The following TYR variants were observed in gnomAD, a reference collection of about 807,000 sequenced individuals.
TYR encodes the protein tyrosinase, also known as LB24-AB.
A neutral mutation model predicts 51.5 loss-of-function variants in TYR; 58 were observed. The observed-to-expected ratio is 1.13, with a 90% CI of 0.91 to 1.40. The LOEUF is 1.40. TYR is among the 40% of genes most tolerant of loss of function. The probability of loss-of-function intolerance (pLI) is 0.00; values close to 1 mark genes in which losing one functional copy is unlikely to be tolerated. For missense variants in TYR, 732 were observed against 647.4 expected (o/e 1.13, Z -1.42); for synonymous variants, 263 against 235.2 (o/e 1.12, Z -1.08).
At chr11:89,267,071 G>C (rs1300104615) in intron 3 of TYR, among the ~76,000 whole-genome samples, 1 of 151,928 alleles carries the variant, frequency 6.6e-6, no homozygotes, top group African/African-American at 2.4e-5. Flanking sequence ...TCAGAATCAA[G>C]TGAAATCTAC....
rs749924379 is a variant in TYR at position 89,284,926 on chromosome 11, C to T, written c.1338C>T (p.Gly446=). The change falls in exon 4 of 5, where the codon GGC becomes GGT. Residue 446 remains glycine (G), a synonymous_variant. Coordinates refer to ENST00000263321, the MANE Select transcript of TYR (RefSeq NM_000372.5). The part of the protein sequence containing the change: ...GDFFISSKDL[G]YDYSYLQDSD... The stretch of plus-strand genomic sequence containing the variant: ...TCTTTATTTCATCCAAAGATCTGGG[C>T]TATGACTATAGCTATCTACAAGATT... The T allele has an allele frequency of 4.3e-6, 7 of 1,611,576 alleles. No individual in the cohort carries two copies. In the South Asian group the frequency reaches 7.7e-5, roughly 18 times the overall value.
intron 4 of TYR, among the ~76,000 whole-genome samples, chr11:89,289,868 T>C (rs1236719179): frequency 1.3e-5 from 2 of 152,016 alleles, no homozygotes; most frequent in Non-Finnish European, 2.9e-5. Context: ...AAAACTCAAA[T>C]TGTAAGCTGA....
At chr11:89,206,760 A>G (rs1470488647) in intron 2 of TYR, among the ~76,000 whole-genome samples, 1 of 152,168 alleles carries the variant, frequency 6.6e-6, no homozygotes, top group Non-Finnish European at 1.5e-5. Context: ...AAATTTAAAA[A>G]GATTGGAATT....
At chr11:89,238,535 C>T (rs1430456225) in intron 3 of TYR, among the ~76,000 whole-genome samples, 1 of 152,012 alleles carries the variant, frequency 6.6e-6, no homozygotes. Flanking sequence ...GTCTGCAAAC[C>T]GGGACCATTT....
At chr11:89,222,711 C>T (rs1456023182) in intron 2 of TYR, among the ~76,000 whole-genome samples, 1 of 152,062 alleles carries the variant, frequency 6.6e-6, no homozygotes, top group Non-Finnish European at 1.5e-5. Flanking sequence ...TGCACTCCAG[C>T]CTGGGCAACA....
At chr11:89,212,463 A>G (rs1483752375) in intron 2 of TYR, among the ~76,000 whole-genome samples, 1 of 152,210 alleles carries the variant, frequency 6.6e-6, no homozygotes, top group Non-Finnish European at 1.5e-5. Context: ...CCAACTAAAA[A>G]AAGTCCAGGA....
intron 3 of TYR, among the ~76,000 whole-genome samples, chr11:89,269,213 AG>A (rs1944561006): frequency 1.3e-5 from 2 of 151,942 alleles, no homozygotes; most frequent in Non-Finnish European, 2.9e-5. Flanking sequence ...CACAGGTAAG[AG>A]GGGTGAGGCT....
At chr11:89,241,700 A>G (rs959085746) in intron 3 of TYR, among the ~76,000 whole-genome samples, 32 of 149,534 alleles carry the variant, frequency 2.1e-4, no homozygotes, top group South Asian at 2.1e-4. Context: ...ACAATTATAT[A>G]AAGTATTGCA....
rs567783593 is a variant in TYR at position 89,233,898 on chromosome 11, C to G, written c.1184+5928C>G. 5.6e-5 allele frequency among the ~76,000 whole-genome samples: 8 copies of G among 142,886 alleles called. 1 individual carries two copies. Among genetic ancestry groups the G allele is most frequent in the Non-Finnish European group, 9.0e-5 (6 of 66,524 alleles). 93.7% of individuals were successfully genotyped at this position (142,886 alleles called of 152,430 possible). The stretch of plus-strand genomic sequence containing the variant: ...GGAGTTTCAGACCAGTAAATGAGCA[C>G]TGGCTTCTACTTAAAGTTACCAGCT... On this transcript the variant is annotated intron_variant, in intron 3 of 4. Coordinates refer to ENST00000263321, the MANE Select transcript of TYR (RefSeq NM_000372.5).
At chr11:89,272,940 C>T (rs1326940549) in intron 3 of TYR, among the ~76,000 whole-genome samples, 2 of 151,930 alleles carry the variant, frequency 1.3e-5, no homozygotes, top group Admixed American at 6.6e-5. Context: ...AGAGCTGGGG[C>T]CTTGCTCTGG....
At chr11:89,287,309 C>A (rs1944800385) in intron 4 of TYR, among the ~76,000 whole-genome samples, 1 of 151,732 alleles carries the variant, frequency 6.6e-6, no homozygotes. Flanking sequence ...TAGAAAAATG[C>A]CACACCTCTT....
chr11:89,270,984 A>C (rs1944581386), intron 3 of TYR, among the ~76,000 whole-genome samples: 1 of 151,880 alleles, frequency 6.6e-6, no homozygotes, highest in South Asian at 2.1e-4. Context: ...CAAATGTGAT[A>C]ATCAAAGGAG....
intron 2 of TYR, among the ~76,000 whole-genome samples, chr11:89,194,573 T>C (rs932815476): frequency 6.6e-6 from 1 of 152,218 alleles, no homozygotes; most frequent in Non-Finnish European, 1.5e-5. Flanking sequence ...AAATTTATGA[T>C]TTTTCAACTT....
intron 3 of TYR, among the ~76,000 whole-genome samples, chr11:89,235,775 A>T (rs1450634771): frequency 2.0e-5 from 3 of 152,128 alleles, no homozygotes; most frequent in Non-Finnish European, 2.9e-5. Context: ...GCACAGCATG[A>T]TGATTATAGT....
chr11:89,220,685 C>A (rs932508693), intron 2 of TYR, among the ~76,000 whole-genome samples: 1 of 151,966 alleles, frequency 6.6e-6, no homozygotes, highest in Non-Finnish European at 1.5e-5. Context: ...ACCTGGGAGG[C>A]GGAGGTTGCA....
intron 3 of TYR, among the ~76,000 whole-genome samples, chr11:89,281,005 T>C (rs973600367): frequency 1.3e-5 from 2 of 151,748 alleles, no homozygotes; most frequent in African/African-American, 4.8e-5. Flanking sequence ...GTTGTTATAC[T>C]GGAGATTTGT....
intron 4 of TYR, among the ~76,000 whole-genome samples, chr11:89,292,872 A>G (rs1312539987): frequency 6.6e-6 from 1 of 152,194 alleles, no homozygotes; most frequent in African/African-American, 2.4e-5. Context: ...CATCCCATGA[A>G]TCATTACCTT....
intron 3 of TYR, among the ~76,000 whole-genome samples, chr11:89,283,405 T>A (rs542464190): frequency 3.3e-5 from 5 of 151,898 alleles, no homozygotes; most frequent in Non-Finnish European, 7.4e-5. Context: ...TTCATTTTGT[T>A]TGAAGCATTA....
chr11:89,194,998 C>G (rs1195138618), intron 2 of TYR, among the ~76,000 whole-genome samples: 1 of 152,118 alleles, frequency 6.6e-6, no homozygotes, highest in African/African-American at 2.4e-5. Flanking sequence ...GTTTTCCTCA[C>G]CAGAGAGACA....
Sources: gnomAD v4.1 joint callset for allele counts (sites outside exome capture counted in the v4.1 genomes callset) on GRCh38, gnomAD v4.1.1 for gene constraint, MANE v1.5 for transcripts, NCBI Gene and HGNC (gene_info 2026-07-23, HGNC 2026-07-21) for gene names.